Variants in IRAK1BP1 observed in about 807,000 individuals in gnomAD.
IRAK1BP1 encodes the protein interleukin-1 receptor-associated kinase 1-binding protein 1.
Under a neutral mutation model 28.0 loss-of-function variants are expected in IRAK1BP1, and 24 were observed. The observed-to-expected ratio is 0.86, with a 90% confidence interval of 0.62 to 1.20. The LOEUF is 1.20. Among genes scored for constraint, IRAK1BP1 ranks in the 50% most tolerant of loss-of-function variants. IRAK1BP1 has a pLI of 0.00. For missense variants in IRAK1BP1, 336 were observed against 316.7 expected (o/e 1.06, Z -0.46); for synonymous variants, 131 against 116.3 (o/e 1.13, Z -0.81).
chr6:78,910,667 G>C (rs1474901305), intron 4 of IRAK1BP1, among the ~76,000 whole-genome samples: 1 of 152,166 alleles, frequency 6.6e-6, no homozygotes, highest in East Asian at 1.9e-4. Flanking sequence ...CTGGAGTGGC[G>C]GCGGATGACC....
chr6:78,912,497 T>C (rs1186493340), intron 4 of IRAK1BP1, among the ~76,000 whole-genome samples: 3 of 152,076 alleles, frequency 2.0e-5, no homozygotes, highest in Non-Finnish European at 4.4e-5. Context: ...ATGATCAGAA[T>C]TGGATTTGCT....
chr6:78,974,954 A>C, the IRAK1BP1 span, among the ~76,000 whole-genome samples: 5 of 151,574 alleles, frequency 3.3e-5, no homozygotes, highest in African/African-American at 1.2e-4. Flanking sequence ...ACAAGGAGGA[A>C]CTGGTACCAT....
the IRAK1BP1 span, chr6:78,961,734 C>T: frequency 6.2e-7 from 1 of 1,612,296 alleles, no homozygotes; most frequent in Non-Finnish European, 8.5e-7. Flanking sequence ...TACTTAGATC[C>T]GTTGGATATG....
intron 1 of IRAK1BP1, among the ~76,000 whole-genome samples, chr6:78,880,179 C>G (rs1771175989): frequency 6.6e-6 from 1 of 152,094 alleles, no homozygotes; most frequent in Non-Finnish European, 1.5e-5. Flanking sequence ...TTTTTAGATA[C>G]AGAGGTTGAG....
At chr6:78,903,222 T>A, downstream of IRAK1BP1, 1 of 567,172 alleles carries the variant, frequency 1.8e-6, no homozygotes, top group East Asian at 2.9e-5. Flanking sequence ...GTGGCTCACA[T>A]GTGTAATCCC....
intron 4 of IRAK1BP1, among the ~76,000 whole-genome samples, chr6:78,912,849 C>G (rs935593084): frequency 3.9e-5 from 6 of 152,128 alleles, no homozygotes; most frequent in Non-Finnish European, 5.9e-5. Context: ...AGCACCCAGG[C>G]TCTTGATTTG....
At chr6:78,878,605 G>A (rs1473161890) in intron 1 of IRAK1BP1, among the ~76,000 whole-genome samples, 1 of 152,214 alleles carries the variant, frequency 6.6e-6, no homozygotes, top group Non-Finnish European at 1.5e-5. Context: ...CCAAAGGAAT[G>A]CAGCTCCTCG....
intron 4 of IRAK1BP1, among the ~76,000 whole-genome samples, chr6:78,924,044 C>T (rs896689407): frequency 1.3e-5 from 2 of 152,002 alleles, no homozygotes; most frequent in Admixed American, 1.3e-4. Flanking sequence ...CAAAAGCTAG[C>T]AGAAGGCAAG....
chr6:78,972,465 G>A, the IRAK1BP1 span, among the ~76,000 whole-genome samples: 1 of 152,158 alleles, frequency 6.6e-6, no homozygotes, highest in Non-Finnish European at 1.5e-5. Context: ...CTAAAAATCA[G>A]AGCACCTCTC....
At chr6:78,940,736 C>T (rs763720503) in intron 4 of IRAK1BP1, 2 of 1,612,626 alleles carry the variant, frequency 1.2e-6, no homozygotes, top group South Asian at 1.1e-5. Flanking sequence ...AGTCAACTTT[C>T]GGACTCGTCC....
chr6:78,933,126 T>TTCAAAGA (rs1337560028), intron 4 of IRAK1BP1, among the ~76,000 whole-genome samples: 3 of 152,168 alleles, frequency 2.0e-5, no homozygotes, highest in Non-Finnish European at 4.4e-5. Context: ...AATGAGAGCC[T>TTCAAAGA]GTCCTTTGAA....
Position 78,895,215 on chromosome 6 carries a change from T to C in IRAK1BP1, c.382-2614T>C, listed in dbSNP as rs937718661. On this transcript the variant is annotated intron_variant, in intron 2 of 3. Transcript: ENST00000369940. ...GGGCCTCAGGAAAATCCCCCAAATATGCTGAATTTTAAAACATACTTTTCA... is the reference window on the plus strand; with the variant it reads ...GGGCCTCAGGAAAATCCCCCAAATACGCTGAATTTTAAAACATACTTTTCA... 2.0e-4 allele frequency among the ~76,000 whole-genome samples: 31 copies of C among 151,924 alleles called. 1 individual carries two copies. Among genetic ancestry groups the C allele is most frequent in the South Asian group, 8.3e-4 (4 of 4,828 alleles).
downstream of IRAK1BP1, among the ~76,000 whole-genome samples, chr6:78,947,199 A>C (rs965705450): frequency 6.6e-6 from 1 of 152,168 alleles, no homozygotes; most frequent in Non-Finnish European, 1.5e-5. Flanking sequence ...CCTGTTTTCT[A>C]TCTAGGACTA....
chr6:78,883,299 T>C (rs756310347), intron 1 of IRAK1BP1, among the ~76,000 whole-genome samples: 3 of 152,154 alleles, frequency 2.0e-5, no homozygotes, highest in Non-Finnish European at 4.4e-5. Context: ...TAATTTTATT[T>C]ATGAAAAAGT....
chr6:78,946,272 A>T, exon 5 of IRAK1BP1: 1 of 1,608,510 alleles, frequency 6.2e-7, no homozygotes, highest in Middle Eastern at 1.7e-4. Context: ...TGTAAATAAA[A>T]TAGTATTGTC....
Position 78,901,395 on chromosome 6 carries a change from A to G in IRAK1BP1, c.*3061A>G, listed in dbSNP as rs1385459926. On this transcript the variant is annotated 3_prime_UTR_variant, in exon 4 of 4. Transcript: ENST00000369940. Reference sequence around the variant, plus strand: ...TCAAATTTAGTTGTCAGTTGATAGCAATTTAATTTCTTGATACATGGCATA... The same window carrying G: ...TCAAATTTAGTTGTCAGTTGATAGCGATTTAATTTCTTGATACATGGCATA... 1.3e-5 allele frequency: 2 copies of G among 152,118 alleles called. No individual in the cohort carries two copies. Among genetic ancestry groups the G allele is most frequent in the African/African-American group, 4.8e-5 (2 of 41,446 alleles). 9.4% of individuals were successfully genotyped at this position (152,118 alleles called of 1,614,324 possible). A position where few individuals can be genotyped will look rare whatever the true frequency, so the allele number is the denominator to read the frequency against.
At chr6:78,913,382 A>G (rs1772477181) in intron 4 of IRAK1BP1, among the ~76,000 whole-genome samples, 1 of 152,092 alleles carries the variant, frequency 6.6e-6, no homozygotes, top group Admixed American at 6.5e-5. Context: ...GCAGTGGCTC[A>G]CGCCTGTAAT....
intron 2 of IRAK1BP1, among the ~76,000 whole-genome samples, chr6:78,887,093 AGAG>A (rs1771455560): frequency 6.6e-6 from 1 of 152,240 alleles, no homozygotes; most frequent in Non-Finnish European, 1.5e-5. Flanking sequence ...AGCAAACACT[AGAG>A]CCTAATGTAT....
At position 78,883,680 on chromosome 6, in the gene IRAK1BP1, A is replaced by G. The variant is rs569592424; in HGVS notation, c.316-1698A>G. Among the ~76,000 whole-genome samples, 3 of 152,340 alleles carry G rather than the reference A, an allele frequency of 2.0e-5. 1 individual carries two copies. Among genetic ancestry groups the G allele is most frequent in the South Asian group, 2.1e-4 (1 of 4,830 alleles). Reference sequence around the variant, plus strand: ...AAGTGAAAAAGTGATTGCAAGCAATATATATAGTACAGACCCCTAATTCTT... The same window carrying G: ...AAGTGAAAAAGTGATTGCAAGCAATGTATATAGTACAGACCCCTAATTCTT... On this transcript the variant is annotated intron_variant, in intron 1 of 3. Coordinates refer to ENST00000369940, the MANE Select transcript of IRAK1BP1 (RefSeq NM_001010844.4).
Sources: allele counts gnomAD v4.1 joint callset (sites outside exome capture counted in the v4.1 genomes callset), GRCh38; gene constraint gnomAD v4.1.1; transcripts MANE v1.5; gene names NCBI Gene and HGNC (gene_info 2026-07-23, HGNC 2026-07-21).